Variants in NRXN3 observed in about 807,000 individuals in gnomAD.
NRXN3 encodes neurexin III.
In NRXN3, 32 loss-of-function variants were observed where a neutral mutation model predicts 137.6. The ratio of observed to expected loss-of-function variants is 0.23; its 90% CI spans 0.18 to 0.31. NRXN3 has a LOEUF of 0.31. Ranked by LOEUF, NRXN3 falls within the 10% of genes least tolerant of loss-of-function variation. The pLI is 1.00. For missense variants in NRXN3, 1,574 were observed against 2,062.5 expected, an observed-to-expected ratio of 0.76 and a Z score of 4.59; for synonymous variants, 798 against 784.5, an observed-to-expected ratio of 1.02 and a Z score of -0.29.
intron 11 of NRXN3, among the ~76,000 whole-genome samples, chr14:78,959,230 A>G (rs2099403396): frequency 6.6e-6 from 1 of 151,736 alleles, no homozygotes; most frequent in Non-Finnish European, 1.5e-5. Context: ...TAGGCATTAG[A>G]AACTGTTAGC....
chr14:78,222,758 C>G (rs941382229), intron 1 of NRXN3, among the ~76,000 whole-genome samples: 1 of 152,186 alleles, frequency 6.6e-6, no homozygotes, highest in African/African-American at 2.4e-5. Flanking sequence ...CAGACCTACA[C>G]TTTTTCTCTT....
chr14:79,439,420 C>A (rs955931560), intron 15 of NRXN3, among the ~76,000 whole-genome samples: 1 of 152,178 alleles, frequency 6.6e-6, no homozygotes, highest in Non-Finnish European at 1.5e-5. Context: ...CTAATGGCCA[C>A]CACGGTGCCA....
At chr14:79,010,616 A>G (rs2099569326) in intron 15 of NRXN3, among the ~76,000 whole-genome samples, 1 of 152,248 alleles carries the variant, frequency 6.6e-6, no homozygotes, top group Non-Finnish European at 1.5e-5. Context: ...ATTAAAGAGA[A>G]TAAGTATAAT....
At chr14:79,790,957 ACT>A (rs374897199) in intron 19 of NRXN3, among the ~76,000 whole-genome samples, 110 of 151,792 alleles carry the variant, frequency 7.2e-4, no homozygotes, top group African/African-American at 2.6e-3. Context: ...TCCAGCTCAG[ACT>A]CTTTTAAACA....
chr14:78,951,855 AC>A (rs1168422088), intron 10 of NRXN3, among the ~76,000 whole-genome samples: 2 of 152,168 alleles, frequency 1.3e-5, no homozygotes, highest in Non-Finnish European at 2.9e-5. Context: ...TTCTATTAAT[AC>A]CCTGGGAGGC....
chr14:78,716,634 A>G (rs1489389258), intron 8 of NRXN3, among the ~76,000 whole-genome samples: 1 of 152,168 alleles, frequency 6.6e-6, no homozygotes, highest in Non-Finnish European at 1.5e-5. Flanking sequence ...GGTGATGTGG[A>G]TGGATCCTGG....
At chr14:78,535,020 A>G (rs2096520069) in intron 4 of NRXN3, among the ~76,000 whole-genome samples, 1 of 152,208 alleles carries the variant, frequency 6.6e-6, no homozygotes, top group African/African-American at 2.4e-5. Flanking sequence ...TGTTATAAGT[A>G]AAGACCATCT....
chr14:78,668,958 G>GTCTA (rs1555428765), intron 6 of NRXN3, among the ~76,000 whole-genome samples: 16 of 151,980 alleles, frequency 1.1e-4, no homozygotes, highest in Non-Finnish European at 1.5e-4. Context: ...CTGTCTGTCT[G>GTCTA]TCTATCTATC....
intron 20 of NRXN3, chr14:79,853,660 C>A (rs1166936044): frequency 1.5e-6 from 2 of 1,312,402 alleles, no homozygotes; most frequent in Non-Finnish European, 1.0e-6. Context: ...TATGACCCTC[C>A]CCTTCCTGCA....
At chr14:79,509,472 C>T (rs896869659) in intron 16 of NRXN3, among the ~76,000 whole-genome samples, 5 of 151,638 alleles carry the variant, frequency 3.3e-5, no homozygotes, top group Admixed American at 3.3e-4. Context: ...GCCAAGATCC[C>T]ACCACTGCTC....
chr14:79,404,731 C>A (rs566134000), intron 15 of NRXN3, among the ~76,000 whole-genome samples: 2 of 152,254 alleles, frequency 1.3e-5, no homozygotes, highest in East Asian at 3.9e-4. Context: ...CAGAACAAGG[C>A]TGTGAGACGT....
At chr14:78,652,365 G>T (rs963020210) in intron 6 of NRXN3, among the ~76,000 whole-genome samples, 1 of 152,202 alleles carries the variant, frequency 6.6e-6, no homozygotes, top group Non-Finnish European at 1.5e-5. Context: ...AGGAGCTTCA[G>T]CCAAGTGTAA....
chr14:79,035,667 A>G (rs1462002658), intron 15 of NRXN3, among the ~76,000 whole-genome samples: 1 of 152,094 alleles, frequency 6.6e-6, no homozygotes, highest in Non-Finnish European at 1.5e-5. Flanking sequence ...TCTAAATTAT[A>G]TGATTTCCGT....
Position 79,506,806 on chromosome 14 carries a change from A to C in NRXN3, c.3444+39404A>C, listed in dbSNP as rs145298980. Among the ~76,000 whole-genome samples the C allele has an allele frequency of 3.3e-5, 5 of 152,246 alleles. No individual in the cohort carries two copies. In the East Asian group the frequency reaches 9.7e-4, roughly 29 times the overall value. On this transcript the variant is annotated intron_variant, in intron 16 of 20. Coordinates refer to ENST00000335750, the MANE Select transcript of NRXN3 (RefSeq NM_001330195.2). ...GAATGAGATTTTAGTTGACATATTC[A>C]ATTTGCTTTAGAGGGGCATCACCCA...
intron 16 of NRXN3, among the ~76,000 whole-genome samples, chr14:79,660,087 G>T (rs540842422): frequency 4.6e-5 from 7 of 152,162 alleles, no homozygotes; most frequent in African/African-American, 1.4e-4. Context: ...TTTGCCCAAG[G>T]TCAGTCAGGT....
At chr14:79,277,260 A>G (rs74067957) in intron 15 of NRXN3, among the ~76,000 whole-genome samples, 7,359 of 152,138 alleles carry the variant, frequency 0.048, 465 homozygotes, top group African/African-American at 0.14. Context: ...TCAAAGCAGA[A>G]AGACCTGGGG....
Position 79,176,805 on chromosome 14 carries a change from C to G in NRXN3, c.3262+188664C>G, listed in dbSNP as rs373777672. On this transcript the variant is annotated intron_variant, in intron 15 of 20. Transcript: ENST00000335750. ...TTCCATCTATTTATCAATTGTTGCA[C>G]TTTTTATATTGATACTTATCTGACT... Among the ~76,000 whole-genome samples the G allele has an allele frequency of 5.3e-5, 8 of 152,248 alleles. No homozygotes were observed. The East Asian group carries it at 9.6e-4, about 18-fold the overall frequency.
intron 2 of NRXN3, among the ~76,000 whole-genome samples, chr14:78,274,988 A>G (rs531599460): frequency 1.3e-5 from 2 of 152,296 alleles, no homozygotes; most frequent in Non-Finnish European, 2.9e-5. Flanking sequence ...ATCATAACTT[A>G]GAAATAACTA....
intron 15 of NRXN3, among the ~76,000 whole-genome samples, chr14:79,323,749 C>T (rs1338889760): frequency 3.9e-5 from 6 of 151,954 alleles, no homozygotes; most frequent in Non-Finnish European, 8.8e-5. Flanking sequence ...ATCCCAGCTA[C>T]TTGGGAGGCT....
Sources: gnomAD v4.1 joint callset for allele counts (sites outside exome capture counted in the v4.1 genomes callset) on GRCh38, gnomAD v4.1.1 for gene constraint, MANE v1.5 for transcripts, NCBI Gene and HGNC (gene_info 2026-07-23, HGNC 2026-07-21) for gene names.